TOP1MT: variants seen among roughly 807,000 people sequenced by gnomAD.
The protein encoded by TOP1MT is DNA topoisomerase I, mitochondrial.
Under a neutral mutation model 73.9 loss-of-function variants are expected in TOP1MT, and 80 were observed. The ratio of observed to expected loss-of-function variants is 1.08; its 90% CI spans 0.90 to 1.30. TOP1MT has a LOEUF of 1.30. TOP1MT is among the 50% of genes most tolerant of loss of function. The probability of loss-of-function intolerance (pLI) is 0.00; values close to 1 mark genes in which losing one functional copy is unlikely to be tolerated. For synonymous variants in TOP1MT, 338 were observed against 326.4 expected, an observed-to-expected ratio of 1.04 and a Z score of -0.38; for missense variants, 815 against 808.0, an observed-to-expected ratio of 1.01 and a Z score of -0.10.
At chr8:143,317,280 G>A (rs769078857) in intron 10 of TOP1MT, among the ~76,000 whole-genome samples, 12 of 152,194 alleles carry the variant, frequency 7.9e-5, no homozygotes, top group Admixed American at 3.3e-4. Context: ...CAGGTTGATG[G>A]CAGGGGACAA....
intron 3 of TOP1MT, chr8:143,328,069 C>T: frequency 2.8e-6 from 1 of 356,230 alleles, no homozygotes; most frequent in South Asian, 2.1e-5. Flanking sequence ...CATCAGTATT[C>T]CAAACTCCTG....
Position 143,309,513 on chromosome 8 carries a change from C to T in TOP1MT, c.1734G>A (p.Lys578=), listed in dbSNP as rs144350269. Residue 578 remains lysine (K), a synonymous_variant, in exon 14 of 14, where the codon AAG becomes AAA. Transcript: ENST00000329245. Reference sequence around the variant, plus strand: ...TCTCCCGCTGTGTTTTGCTGTAGATCTTCTCCACTGGCACCCTGAACCGCT... The same window carrying T: ...TCTCCCGCTGTGTTTTGCTGTAGATTTTCTCCACTGGCACCCTGAACCGCT... ...WCKRFRVPVE[K]IYSKTQRERF... is the part of the protein sequence containing the mutation. 9.7e-5 allele frequency: 157 copies of T among 1,613,932 alleles called. No homozygotes were observed. The highest frequency in any genetic ancestry group is 1.3e-4 in the Non-Finnish European group (151 of 1,180,038).
intron 13 of TOP1MT, 54 bp from the exon 14 acceptor site, chr8:143,309,597 C>T: frequency 6.2e-7 from 1 of 1,608,198 alleles, no homozygotes; most frequent in Non-Finnish European, 8.5e-7. Context: ...ACCTTGAAGG[C>T]CAGGTCAGGG....
intron 5 of TOP1MT, 111 bp from the exon 6 acceptor site, chr8:143,324,740 G>T: frequency 7.3e-7 from 1 of 1,366,070 alleles, no homozygotes; most frequent in Non-Finnish European, 1.0e-6. Context: ...GTGGTGGCAT[G>T]GCTCCTGACC....
At chr8:143,325,157 C>T (rs1816670336) in intron 5 of TOP1MT, among the ~76,000 whole-genome samples, 189 bp downstream of exon 5, 1 of 152,204 alleles carries the variant, frequency 6.6e-6, no homozygotes, top group Non-Finnish European at 1.5e-5. Flanking sequence ...CTTCCGACCC[C>T]GTGGGAAGCA....
At chr8:143,317,436 T>C (rs545737279) in intron 10 of TOP1MT, among the ~76,000 whole-genome samples, 2 of 152,242 alleles carry the variant, frequency 1.3e-5, no homozygotes, top group African/African-American at 4.8e-5. Flanking sequence ...GAGGAGGAGC[T>C]GAGGAACACC....
upstream of TOP1MT, chr8:143,345,111 G>GC (rs1295429477): frequency 6.6e-6 from 1 of 152,384 alleles, no homozygotes; most frequent in African/African-American, 2.4e-5. Flanking sequence ...CTCCACCTGG[G>GC]CCAGCACAGG....
At chr8:143,328,114 G>C (rs956814241) in intron 3 of TOP1MT, 1 of 404,330 alleles carries the variant, frequency 2.5e-6, no homozygotes, top group Non-Finnish European at 4.9e-6. Flanking sequence ...AACGCAAATA[G>C]AAACTACAAA....
upstream of TOP1MT, among the ~76,000 whole-genome samples, chr8:143,345,284 G>A (rs375413736): frequency 3.5e-4 from 54 of 152,352 alleles, no homozygotes; most frequent in South Asian, 1.7e-3. Flanking sequence ...CCCACTGGCA[G>A]CCGAGGTCAC....
chr8:143,328,429 G>C, intron 3 of TOP1MT: 1 of 381,830 alleles, frequency 2.6e-6, no homozygotes, highest in South Asian at 1.9e-5. Context: ...TGACACGTCA[G>C]TACACCAAAA....
chr8:143,345,410 G>A (rs115214830), upstream of TOP1MT, among the ~76,000 whole-genome samples: 6,307 of 152,316 alleles, frequency 0.041, 438 homozygotes, highest in African/African-American at 0.14. Context: ...AGCCCGAGGC[G>A]TCTGCTGGTC....
chr8:143,328,319 C>A (rs1193408224), intron 3 of TOP1MT: 1 of 450,116 alleles, frequency 2.2e-6, no homozygotes, highest in Admixed American at 2.4e-5. Context: ...AAAGAACCTG[C>A]ACCCAGGATG....
intron 2 of TOP1MT, among the ~76,000 whole-genome samples, chr8:143,330,385 G>A (rs76656660): frequency 6.6e-4 from 100 of 152,368 alleles, no homozygotes; most frequent in African/African-American, 2.2e-3. Context: ...AGCGCGAGAC[G>A]CTCAGTAAGG....
Position 143,321,443 on chromosome 8 carries a change from C to T in TOP1MT, c.961-57G>A, listed in dbSNP as rs541821461. The stretch of plus-strand genomic sequence containing the variant: ...TGCGTGCACACGCACGCCACACACA[C>T]GCACGCCACACACACGCACGCCACA... On this transcript the variant is annotated intron_variant, in intron 7 of 13. Transcript: ENST00000329245. The T allele has an allele frequency of 1.4e-3, 2,021 of 1,443,550 alleles. 34 individuals carry two copies. The African/African-American group carries it at 0.023, about 16-fold the overall frequency. 89.4% of individuals were successfully genotyped at this position (1,443,550 alleles called of 1,614,324 possible). A position where few individuals can be genotyped will look rare whatever the true frequency, so the allele number is the denominator to read the frequency against.
Position 143,323,961 on chromosome 8 carries a change from A to T in TOP1MT, c.960+38T>A, listed in dbSNP as rs1166296385. The stretch of plus-strand genomic sequence containing the variant: ...ACTGGGAGTCCTCGCCAGGAGAACC[A>T]GGATGAAGAGCCGCCAGGAAGCGAG... On this transcript the variant is annotated intron_variant, in intron 7 of 13. Coordinates refer to ENST00000329245, the MANE Select transcript of TOP1MT (RefSeq NM_052963.3). The T allele has an allele frequency of 3.7e-6, 6 of 1,606,654 alleles. No homozygotes were observed. In the Middle Eastern group the frequency reaches 5.0e-4, roughly 135 times the overall value.
chr8:143,326,997 G>A (rs1423905641), intron 3 of TOP1MT, among the ~76,000 whole-genome samples: 1 of 152,128 alleles, frequency 6.6e-6, no homozygotes, highest in Non-Finnish European at 1.5e-5. Context: ...AGGACAGAAG[G>A]GGCCCAGCTA....
At chr8:143,322,518 CA>C (rs1396229193) in intron 7 of TOP1MT, among the ~76,000 whole-genome samples, 5 of 55,312 alleles carry the variant, frequency 9.0e-5, no homozygotes, top group Non-Finnish European at 1.3e-4. Context: ...GCACGCCACA[CA>C]ACAGGCACGC....
chr8:143,331,390 G>T, intron 1 of TOP1MT, 51 bp from the exon 2 acceptor site: 1 of 1,501,808 alleles, frequency 6.7e-7, no homozygotes, highest in East Asian at 2.3e-5. Context: ...CCCTGCATGA[G>T]CCTCTTCCCC....
At chr8:143,357,106 A>AT (rs1817423311), upstream of TOP1MT, among the ~76,000 whole-genome samples, 1 of 151,080 alleles carries the variant, frequency 6.6e-6, no homozygotes, top group Admixed American at 6.6e-5. Flanking sequence ...AAAAAAAAAA[A>AT]AAAAGCTTCA....
Sources: gnomAD v4.1 joint callset for allele counts (sites outside exome capture counted in the v4.1 genomes callset) on GRCh38, gnomAD v4.1.1 for gene constraint, MANE v1.5 for transcripts, NCBI Gene and HGNC (gene_info 2026-07-23, HGNC 2026-07-21) for gene names.